AUTS2: variants seen among roughly 807,000 people sequenced by gnomAD.
The protein encoded by AUTS2 is autism susceptibility gene 2 protein.
A neutral mutation model predicts 112.4 loss-of-function variants in AUTS2; 17 were observed. That is an observed-to-expected ratio of 0.15 (90% CI 0.10 to 0.23). The LOEUF (loss-of-function observed/expected upper bound fraction) is 0.23. Ranked by LOEUF, AUTS2 falls within the 10% of genes least tolerant of loss-of-function variation. AUTS2 has a pLI of 1.00. For missense variants in AUTS2, 1,510 were observed against 1,701.6 expected, an observed-to-expected ratio of 0.89 and a Z score of 1.98; for synonymous variants, 751 against 702.7, an observed-to-expected ratio of 1.07 and a Z score of -1.09.
chr7:69,613,525 T>C (rs1248002246), intron 1 of AUTS2, among the ~76,000 whole-genome samples: 1 of 152,244 alleles, frequency 6.6e-6, no homozygotes, highest in Non-Finnish European at 1.5e-5. Context: ...GCTGATGATA[T>C]AGAGGGTTAT....
intron 5 of AUTS2, among the ~76,000 whole-genome samples, chr7:70,623,466 T>C (rs1468646677): frequency 2.0e-5 from 3 of 152,230 alleles, no homozygotes; most frequent in Non-Finnish European, 4.4e-5. Flanking sequence ...CTATTTCAGC[T>C]TAATTTAGTT....
At chr7:70,283,050 T>C (rs1274822127) in intron 4 of AUTS2, among the ~76,000 whole-genome samples, 1 of 152,168 alleles carries the variant, frequency 6.6e-6, no homozygotes, top group Non-Finnish European at 1.5e-5. Flanking sequence ...TATACTATAG[T>C]AGGGTAGAAG....
At chr7:69,685,719 C>CTT (rs57209176) in intron 1 of AUTS2, among the ~76,000 whole-genome samples, 11 of 140,112 alleles carry the variant, frequency 7.9e-5, no homozygotes, top group South Asian at 4.6e-4. Context: ...GATCCATGCC[C>CTT]TTTTTTTTTT....
At chr7:70,334,112 C>A (rs1425400899) in intron 4 of AUTS2, among the ~76,000 whole-genome samples, 1 of 152,150 alleles carries the variant, frequency 6.6e-6, no homozygotes, top group Non-Finnish European at 1.5e-5. Flanking sequence ...CTGGGTAGAA[C>A]TTCCAGTGCA....
intron 1 of AUTS2, among the ~76,000 whole-genome samples, chr7:69,723,018 C>T (rs912263879): frequency 2.6e-5 from 4 of 151,962 alleles, no homozygotes; most frequent in African/African-American, 7.3e-5. Flanking sequence ...TGAGCGCTAC[C>T]ATAGAACTGT....
chr7:70,661,450 G>A (rs1807064395), intron 5 of AUTS2, among the ~76,000 whole-genome samples: 1 of 152,170 alleles, frequency 6.6e-6, no homozygotes, highest in Admixed American at 6.5e-5. Flanking sequence ...AGGGTGGGAG[G>A]AGGGTGGCAG....
At chr7:70,116,894 G>T (rs1805383839) in intron 2 of AUTS2, among the ~76,000 whole-genome samples, 1 of 152,090 alleles carries the variant, frequency 6.6e-6, no homozygotes, top group Non-Finnish European at 1.5e-5. Context: ...TTGTCAAGGG[G>T]CTGTGACTTG....
At chr7:70,497,547 A>C (rs1798606220) in intron 5 of AUTS2, among the ~76,000 whole-genome samples, 1 of 152,216 alleles carries the variant, frequency 6.6e-6, no homozygotes, top group South Asian at 2.1e-4. Context: ...CTTGGAGAAT[A>C]ATATCCTCAT....
rs11418386 is a variant in AUTS2 at position 70,118,245 on chromosome 7, TAAA to T, written c.624+32_624+34del. ...AAAGGCTCAGTGATGTAAGTTTAAG[TAAA>T]AAAAAAAAAAAAAAAAAAATTAACG... On this transcript the variant is annotated intron_variant, in intron 3 of 18. Coordinates refer to ENST00000342771, the MANE Select transcript of AUTS2 (RefSeq NM_015570.4). 0.014 allele frequency: 18,492 copies of T among 1,281,646 alleles called. No individual in the cohort carries two copies. Among genetic ancestry groups the T allele is most frequent in the Admixed American group, 0.029 (823 of 28,438 alleles). 79.4% of individuals were successfully genotyped at this position (1,281,646 alleles called of 1,614,324 possible).
chr7:70,380,569 T>C (rs1450768948), intron 4 of AUTS2, among the ~76,000 whole-genome samples: 1 of 152,182 alleles, frequency 6.6e-6, no homozygotes, highest in African/African-American at 2.4e-5. Context: ...GCCTGCTTCT[T>C]GTAAGGTGGG....
At chr7:70,039,424 G>A (rs577187770) in intron 2 of AUTS2, among the ~76,000 whole-genome samples, 58 of 152,096 alleles carry the variant, frequency 3.8e-4, no homozygotes, top group African/African-American at 1.2e-3. Flanking sequence ...GTGCAGTGGC[G>A]CGATCTTGGC....
intron 4 of AUTS2, among the ~76,000 whole-genome samples, chr7:70,203,110 C>T (rs1490725276): frequency 1.6e-4 from 23 of 142,916 alleles, no homozygotes; most frequent in Non-Finnish European, 1.4e-4. Context: ...AACCAAACAC[C>T]GCATATTCTC....
chr7:70,059,864 C>T (rs1383093259), intron 2 of AUTS2, among the ~76,000 whole-genome samples: 14 of 152,156 alleles, frequency 9.2e-5, no homozygotes, highest in Admixed American at 7.9e-4. Flanking sequence ...TAGTCAAGCT[C>T]GCTTAGTTCC....
chr7:70,644,288 A>T (rs1261193676), intron 5 of AUTS2, among the ~76,000 whole-genome samples: 3 of 152,182 alleles, frequency 2.0e-5, no homozygotes, highest in Non-Finnish European at 2.9e-5. Context: ...GAAGGGACGG[A>T]GGAGTGGTGA....
intron 5 of AUTS2, among the ~76,000 whole-genome samples, chr7:70,579,917 A>G (rs773022939): frequency 1.3e-5 from 2 of 152,196 alleles, no homozygotes; most frequent in Non-Finnish European, 2.9e-5. Flanking sequence ...ATCAGTCTGG[A>G]AGAAGCAGGA....
At chr7:69,686,276 A>G (rs141297902) in intron 1 of AUTS2, among the ~76,000 whole-genome samples, 2 of 152,326 alleles carry the variant, frequency 1.3e-5, no homozygotes, top group Non-Finnish European at 2.9e-5. Context: ...CAGATACTCG[A>G]ATGTCAGACC....
At chr7:70,238,638 G>A (rs1347658407) in intron 4 of AUTS2, among the ~76,000 whole-genome samples, 1 of 151,784 alleles carries the variant, frequency 6.6e-6, no homozygotes, top group East Asian at 1.9e-4. Context: ...CCTATAGACA[G>A]TACCCCCTCT....
chr7:69,640,569 C>T (rs2129118218), intron 1 of AUTS2, among the ~76,000 whole-genome samples: 1 of 152,326 alleles, frequency 6.6e-6, no homozygotes, highest in East Asian at 1.9e-4. Context: ...GGCCAGGATG[C>T]TCTGAGGCTA....
At chr7:69,645,766 G>A (rs1040329758) in intron 1 of AUTS2, among the ~76,000 whole-genome samples, 2 of 151,714 alleles carry the variant, frequency 1.3e-5, no homozygotes, top group African/African-American at 2.4e-5. Flanking sequence ...GGGGAGGAGC[G>A]GAAAAAGAGA....
Sources: allele counts gnomAD v4.1 joint callset (sites outside exome capture counted in the v4.1 genomes callset), GRCh38; gene constraint gnomAD v4.1.1; transcripts MANE v1.5; gene names NCBI Gene and HGNC (gene_info 2026-07-23, HGNC 2026-07-21).